The following PPM1E variants were observed in gnomAD, a reference collection of about 807,000 sequenced individuals.
The protein encoded by PPM1E is protein phosphatase 1E.
Under a neutral mutation model 65.9 loss-of-function variants are expected in PPM1E, and 20 were observed. The ratio of observed to expected loss-of-function variants is 0.30; its 90% confidence interval spans 0.21 to 0.44. The LOEUF (loss-of-function observed/expected upper bound fraction) is 0.44, where lower values mean the gene tolerates loss of function less well. Among genes scored for constraint, PPM1E ranks in the 20% least tolerant of loss-of-function variants. The pLI, the probability that PPM1E is intolerant of heterozygous loss-of-function variation, is 1.00. For missense variants in PPM1E, 713 were observed against 953.1 expected, an observed-to-expected ratio of 0.75 and a Z score of 3.32; for synonymous variants, 352 against 374.9, an observed-to-expected ratio of 0.94 and a Z score of 0.70.
chr17:58,792,714 TTATTATTTTATTTTATAA>T (rs1167942910), intron 1 of PPM1E, among the ~76,000 whole-genome samples: 1 of 150,714 alleles, frequency 6.6e-6, no homozygotes, highest in East Asian at 1.9e-4. Flanking sequence ...CTTGGAACAG[TTATTATTTTATTTTATAA>T]GAATTTTACT....
intron 1 of PPM1E, among the ~76,000 whole-genome samples, chr17:58,903,980 G>A (rs879802749): frequency 6.6e-6 from 1 of 152,070 alleles, no homozygotes; most frequent in Non-Finnish European, 1.5e-5. Flanking sequence ...ATCTGATAGT[G>A]TTATTACTTT....
At chr17:58,809,447 C>T (rs2050344741) in intron 1 of PPM1E, among the ~76,000 whole-genome samples, 1 of 152,020 alleles carries the variant, frequency 6.6e-6, no homozygotes, top group Non-Finnish European at 1.5e-5. Flanking sequence ...GGTGGGAGTG[C>T]AGTGGCGCGG....
intron 1 of PPM1E, among the ~76,000 whole-genome samples, chr17:58,915,974 GC>G (rs1403765791): frequency 3.9e-5 from 6 of 152,192 alleles, no homozygotes; most frequent in Admixed American, 2.0e-4. Flanking sequence ...TATTCAGCAT[GC>G]ATTCTTAGAG....
rs71367642 is a variant in PPM1E at position 58,888,362 on chromosome 17, C to CTTTT, written c.465-67270_465-67267dup. On this transcript the variant is annotated intron_variant, in intron 1 of 6. Transcript: ENST00000308249. ...CTTGTTCCCTTTTGGACTCTTCTCT[C>CTTTT]TTTTTTTTTTTTTTTTTTTTGAGAC... is the stretch of plus-strand genomic sequence containing the variant. Among the ~76,000 whole-genome samples, 110 of 104,468 alleles carry CTTTT rather than the reference C, an allele frequency of 1.1e-3. 1 individual carries two copies. Among genetic ancestry groups the CTTTT allele is most frequent in the African/African-American group, 2.4e-3 (64 of 26,234 alleles). 68.5% of individuals were successfully genotyped at this position (104,468 alleles called of 152,430 possible).
chr17:58,836,790 G>A (rs1436607998), intron 1 of PPM1E, among the ~76,000 whole-genome samples: 2 of 149,212 alleles, frequency 1.3e-5, no homozygotes. Flanking sequence ...GGGAGGCCGA[G>A]ACGGGCGGAT....
chr17:58,787,409 C>G (rs185849345), intron 1 of PPM1E, among the ~76,000 whole-genome samples: 3 of 151,540 alleles, frequency 2.0e-5, no homozygotes, highest in Admixed American at 6.6e-5. Flanking sequence ...TTTTTTTAAC[C>G]CACAGCTAAT....
intron 1 of PPM1E, among the ~76,000 whole-genome samples, chr17:58,809,487 A>G (rs948508983): frequency 2.0e-5 from 3 of 152,034 alleles, no homozygotes; most frequent in African/African-American, 2.4e-5. Context: ...CCCAGACTCA[A>G]TCCTCCCACT....
chr17:58,959,257 C>T (rs1276703277), intron 2 of PPM1E, among the ~76,000 whole-genome samples: 8 of 137,836 alleles, frequency 5.8e-5, no homozygotes, highest in East Asian at 2.2e-4. Context: ...TGCAGTGAGC[C>T]GAGATTGCGC....
chr17:58,792,515 A>G (rs1324643716), intron 1 of PPM1E, among the ~76,000 whole-genome samples: 2 of 150,484 alleles, frequency 1.3e-5, no homozygotes, highest in Non-Finnish European at 3.0e-5. Flanking sequence ...TAATTTTTGT[A>G]TGGTTTTGTA....
intron 1 of PPM1E, among the ~76,000 whole-genome samples, chr17:58,924,516 A>C (rs1253512546): frequency 2.0e-5 from 3 of 152,006 alleles, no homozygotes. Flanking sequence ...ACACCACTGC[A>C]CTCTAACCTG....
chr17:58,928,301 A>C (rs944806009), intron 1 of PPM1E, among the ~76,000 whole-genome samples: 2 of 152,096 alleles, frequency 1.3e-5, no homozygotes, highest in African/African-American at 2.4e-5. Context: ...CTCACTATGG[A>C]AAAATGTACT....
At chr17:58,978,342 T>C (rs1379171168) in intron 6 of PPM1E, among the ~76,000 whole-genome samples, 1 of 152,240 alleles carries the variant, frequency 6.6e-6, no homozygotes, top group Admixed American at 6.5e-5. Context: ...TATGTAATGA[T>C]GATTTATGAT....
chr17:58,926,521 T>C (rs1174117143), intron 1 of PPM1E, among the ~76,000 whole-genome samples: 1 of 152,116 alleles, frequency 6.6e-6, no homozygotes, highest in East Asian at 1.9e-4. Flanking sequence ...GTGTATGTGT[T>C]ATAGTGTGTA....
At chr17:58,829,777 T>C (rs2050579918) in intron 1 of PPM1E, among the ~76,000 whole-genome samples, 1 of 152,130 alleles carries the variant, frequency 6.6e-6, no homozygotes, top group African/African-American at 2.4e-5. Context: ...AAAAAACAAA[T>C]AAAAGATTCA....
At chr17:58,962,446 C>G (rs990202103) in intron 2 of PPM1E, among the ~76,000 whole-genome samples, 1 of 152,126 alleles carries the variant, frequency 6.6e-6, no homozygotes, top group East Asian at 1.9e-4. Flanking sequence ...TCGTTTCACC[C>G]TACTCCATTC....
At chr17:58,914,169 T>C (rs1348592578) in intron 1 of PPM1E, among the ~76,000 whole-genome samples, 1 of 152,194 alleles carries the variant, frequency 6.6e-6, no homozygotes, top group Non-Finnish European at 1.5e-5. Flanking sequence ...GTAGTTTCAA[T>C]ATTACCATCT....
chr17:58,761,732 A>AG (rs2049823170), intron 1 of PPM1E, among the ~76,000 whole-genome samples: 2 of 152,164 alleles, frequency 1.3e-5, no homozygotes, highest in Non-Finnish European at 2.9e-5. Context: ...ATCATGAGTT[A>AG]GGGGTCCCTT....
intron 1 of PPM1E, among the ~76,000 whole-genome samples, chr17:58,900,441 A>G (rs1476968962): frequency 6.6e-6 from 1 of 152,226 alleles, no homozygotes; most frequent in Non-Finnish European, 1.5e-5. Flanking sequence ...CACGCTCTGA[A>G]GGCTCAGATG....
intron 1 of PPM1E, among the ~76,000 whole-genome samples, chr17:58,905,840 G>A (rs576157076): frequency 6.6e-6 from 1 of 152,220 alleles, no homozygotes; most frequent in Admixed American, 6.5e-5. Context: ...AATAGAATGA[G>A]TAATGGTAGT....
Sources: gnomAD v4.1 joint callset for allele counts (sites outside exome capture counted in the v4.1 genomes callset) on GRCh38, gnomAD v4.1.1 for gene constraint, MANE v1.5 for transcripts, NCBI Gene and HGNC (gene_info 2026-07-23, HGNC 2026-07-21) for gene names.